CAMTA1: variants seen among roughly 807,000 people sequenced by gnomAD.
CAMTA1 encodes the protein calmodulin-binding transcription activator 1.
In CAMTA1, 27 loss-of-function variants were observed where a neutral mutation model predicts 170.9. The observed-to-expected ratio is 0.16, with a 90% CI of 0.12 to 0.22. CAMTA1 has a LOEUF of 0.22. CAMTA1 is among the 10% of genes least tolerant of loss of function. The pLI, the probability that CAMTA1 is intolerant of heterozygous loss-of-function variation, is 1.00. For missense variants in CAMTA1, 1,619 were observed against 2,217.2 expected (o/e 0.73, Z 5.42); for synonymous variants, 833 against 891.5 (o/e 0.93, Z 1.17).
At chr1:7,027,670 A>G (rs994843126) in intron 3 of CAMTA1, among the ~76,000 whole-genome samples, 14 of 152,114 alleles carry the variant, frequency 9.2e-5, no homozygotes, top group African/African-American at 2.9e-4. Flanking sequence ...AGAGGGGGAA[A>G]ATTGGCACGA....
Position 7,299,470 on chromosome 1 carries a change from C to T in CAMTA1, c.438+49844C>T, listed in dbSNP as rs962508679. On this transcript the variant is annotated intron_variant, in intron 5 of 22. Coordinates refer to ENST00000303635, the MANE Select transcript of CAMTA1 (RefSeq NM_015215.4). The surrounding 1 kb of genome is among the most constrained non-coding windows in gnomAD (Gnocchi z 4.7). ...AATCCAGGCTTTCTCTGGAATTCTC[C>T]CACTTGTTTATAGTCTGGGCAATTT... Among the ~76,000 whole-genome samples the T allele has an allele frequency of 5.9e-5, 9 of 152,194 alleles. No homozygotes were observed. The highest frequency in any genetic ancestry group is 1.3e-4 in the Non-Finnish European group (9 of 68,026).
At position 7,455,754 on chromosome 1, in the gene CAMTA1, C is replaced by A. The variant is rs528585953; in HGVS notation, c.439-12076C>A. On this transcript the variant is annotated intron_variant, in intron 5 of 22. Transcript: ENST00000303635. This position sits in a 1 kb window ranked among gnomAD's most constrained non-coding sequence, Gnocchi z 5.0. ...CAGCCAGGAATCCCGGCAGTGCCAG[C>A]CCCGCAGACGCCTGCCCACAGGAGA... 7.5e-4 allele frequency among the ~76,000 whole-genome samples: 114 copies of A among 152,354 alleles called. No homozygotes were observed. Among genetic ancestry groups the A allele is most frequent in the Non-Finnish European group, 1.4e-3 (97 of 68,040 alleles).
chr1:6,808,111 A>T (rs985307434), intron 1 of CAMTA1, among the ~76,000 whole-genome samples: 2 of 151,964 alleles, frequency 1.3e-5, no homozygotes, highest in Non-Finnish European at 2.9e-5. Context: ...GGTGGAATTC[A>T]TGTGCATATG....
At chr1:6,855,736 G>A (rs911971436) in intron 3 of CAMTA1, among the ~76,000 whole-genome samples, 1 of 152,090 alleles carries the variant, frequency 6.6e-6, no homozygotes, top group Non-Finnish European at 1.5e-5. Flanking sequence ...ACAGGGAATC[G>A]AAGTAAGGAG....
At chr1:7,475,085 G>A (rs1377381612) in intron 6 of CAMTA1, among the ~76,000 whole-genome samples, 1 of 152,234 alleles carries the variant, frequency 6.6e-6, no homozygotes, top group African/African-American at 2.4e-5. Flanking sequence ...GGAAGCACAA[G>A]CTAGCTTAAC....
intron 4 of CAMTA1, among the ~76,000 whole-genome samples, chr1:7,108,655 A>G (rs897317473): frequency 2.6e-5 from 4 of 152,256 alleles, no homozygotes; most frequent in African/African-American, 9.6e-5. Flanking sequence ...TGGTTAAGAG[A>G]GTCAAATGCT....
intron 5 of CAMTA1, among the ~76,000 whole-genome samples, chr1:7,318,896 G>A (rs1677941819): frequency 1.3e-5 from 2 of 152,332 alleles, no homozygotes; most frequent in South Asian, 4.2e-4. Flanking sequence ...GGTGGGTGAA[G>A]GTGGACTGCT....
intron 22 of CAMTA1, 57 bp from the exon 23 acceptor site, chr1:7,766,402 T>C: frequency 1.3e-6 from 2 of 1,571,442 alleles, no homozygotes; most frequent in Non-Finnish European, 1.8e-6. Flanking sequence ...TTTCCTTTAC[T>C]TGGTCACAAT....
Position 7,661,743 on chromosome 1 carries a change from A to G in CAMTA1, c.682A>G (p.Thr228Ala), listed in dbSNP as rs762627582. The G allele has an allele frequency of 2.5e-6, 4 of 1,611,560 alleles. No individual in the cohort carries two copies. Among genetic ancestry groups the G allele is most frequent in the Non-Finnish European group, 3.4e-6 (4 of 1,179,630 alleles). The change falls in exon 8 of 23, where the codon ACC becomes GCC. Residue 228 changes from threonine to alanine, a missense_variant. Thr to Ala is a moderately conservative substitution (Grantham distance 58, BLOSUM62 0). Coordinates refer to ENST00000303635, the MANE Select transcript of CAMTA1 (RefSeq NM_015215.4). ...LKPMFHGIKW[T>A]CSNGNSSSGF... is the part of the protein sequence containing the mutation. ...CTTCACAGTCCATGGCATCAAGTGG[A>G]CCTGCAGCAATGGGAACAGCAGCTC... is the stretch of plus-strand genomic sequence containing the variant.
Position 7,732,816 on chromosome 1 carries a change from C to A in CAMTA1, c.3066+217C>A, listed in dbSNP as rs1001652116. 2.6e-5 allele frequency among the ~76,000 whole-genome samples: 4 copies of A among 152,078 alleles called. No homozygotes were observed. The highest frequency in any genetic ancestry group is 9.7e-5 in the African/African-American group (4 of 41,410). On this transcript the variant is annotated intron_variant, in intron 12 of 22. Transcript: ENST00000303635. The surrounding 1 kb of genome is among the most constrained non-coding windows in gnomAD (Gnocchi z 4.1). ...AATGTGGAGCTTCTCAGTTGTTTACCCCCCTAATCCTTAAGTTATCTCTAT... is the reference window on the plus strand; with the variant it reads ...AATGTGGAGCTTCTCAGTTGTTTACACCCCTAATCCTTAAGTTATCTCTAT...
Position 6,840,336 on chromosome 1 carries a change from CAGAG to C in CAMTA1, c.234+15130_234+15133del, listed in dbSNP as rs144830511. Among the ~76,000 whole-genome samples, 1,017 of 152,226 alleles carry C rather than the reference CAGAG, an allele frequency of 6.7e-3. 9 individuals carry two copies. Among genetic ancestry groups the C allele is most frequent in the African/African-American group, 0.023 (974 of 41,518 alleles). The stretch of plus-strand genomic sequence containing the variant: ...GCTACTGTGTGGCAGTCAGGGGAAG[CAGAG>C]AGACCAGTTAAGAGTCTGTTGCGAT... On this transcript the variant is annotated intron_variant, in intron 3 of 22. Transcript: ENST00000303635.
chr1:6,904,577 CAG>C lies in CAMTA1; in HGVS notation c.234+79370_234+79371del, dbSNP rs1363470949. On this transcript the variant is annotated intron_variant, in intron 3 of 22. Transcript: ENST00000303635. ...CTTTTTTTTTTTTTAATTTTTGAGA[CAG>C]AGTCTTCCTCTATCGCCCCAGGCTG... 4.1e-5 allele frequency among the ~76,000 whole-genome samples: 6 copies of C among 145,400 alleles called. No homozygotes were observed. In the Admixed American group the frequency reaches 4.2e-4, roughly 10 times the overall value.
chr1:7,545,891 T>C (rs2094685440), intron 6 of CAMTA1, among the ~76,000 whole-genome samples: 3 of 144,956 alleles, frequency 2.1e-5, no homozygotes. Flanking sequence ...GACATGTCCA[T>C]GTGTTCTCAT....
intron 3 of CAMTA1, among the ~76,000 whole-genome samples, chr1:7,017,416 T>C (rs1700720182): frequency 6.6e-6 from 1 of 152,222 alleles, no homozygotes; most frequent in South Asian, 2.1e-4. Context: ...ACAAGGAGGA[T>C]TTGCTAATGA....
intron 3 of CAMTA1, among the ~76,000 whole-genome samples, chr1:7,026,543 G>A (rs556822863): frequency 6.6e-6 from 1 of 152,066 alleles, no homozygotes; most frequent in East Asian, 1.9e-4. Context: ...AGACCTTCAT[G>A]GGGGCTTTCC....
At chr1:6,957,766 A>G in intron 3 of CAMTA1, among the ~76,000 whole-genome samples, 1 of 152,206 alleles carries the variant, frequency 6.6e-6, no homozygotes, top group East Asian at 1.9e-4. Flanking sequence ...CATGTAACGT[A>G]GTATATTCAC....
At chr1:7,045,309 G>A (rs1383789080) in intron 3 of CAMTA1, among the ~76,000 whole-genome samples, 1 of 152,176 alleles carries the variant, frequency 6.6e-6, no homozygotes, top group Non-Finnish European at 1.5e-5. Flanking sequence ...AACCTCTCCT[G>A]GAAGGGCATT....
intron 3 of CAMTA1, among the ~76,000 whole-genome samples, chr1:7,069,233 T>G (rs1638272105): frequency 6.6e-6 from 1 of 152,232 alleles, no homozygotes; most frequent in South Asian, 2.1e-4. Flanking sequence ...GCATGCCACA[T>G]GCTATGCAGA....
rs551510880 is a variant in CAMTA1 at position 7,410,366 on chromosome 1, C to T, written c.439-57464C>T. On this transcript the variant is annotated intron_variant, in intron 5 of 22. Coordinates refer to ENST00000303635, the MANE Select transcript of CAMTA1 (RefSeq NM_015215.4). The stretch of plus-strand genomic sequence containing the variant: ...GCTGGGTGAGGGTCCCACCCCTCAC[C>T]GTCACCTGGCTCGAGCCTCTGAATG... Among the ~76,000 whole-genome samples the T allele has an allele frequency of 2.8e-4, 42 of 152,290 alleles. 1 individual carries two copies. The East Asian group carries it at 7.7e-3, about 28-fold the overall frequency.
Sources: gnomAD v4.1 joint callset for allele counts (sites outside exome capture counted in the v4.1 genomes callset) on GRCh38, gnomAD v4.1.1 for gene constraint, Gnocchi (gnomAD v3.1) non-coding constraint, MANE v1.5 for transcripts, NCBI Gene and HGNC (gene_info 2026-07-23, HGNC 2026-07-21) for gene names.